Variants in FAF1 observed in about 807,000 individuals in gnomAD.
FAF1 encodes the protein Fas associated factor 1, also known as FAS-associated factor 1.
Under a neutral mutation model 92.5 loss-of-function variants are expected in FAF1, and 25 were observed. That is an observed-to-expected ratio of 0.27 (90% CI 0.20 to 0.38). The LOEUF is 0.38. FAF1 is among the 10% of genes least tolerant of loss of function. The pLI, the probability that FAF1 is intolerant of heterozygous loss-of-function variation, is 1.00. For missense variants in FAF1, 636 were observed against 793.3 expected, an observed-to-expected ratio of 0.80 and a Z score of 2.38; for synonymous variants, 234 against 273.2, an observed-to-expected ratio of 0.86 and a Z score of 1.42.
chr1:50,913,968 A>G (rs1209369836), intron 1 of FAF1, among the ~76,000 whole-genome samples: 2 of 152,222 alleles, frequency 1.3e-5, no homozygotes, highest in African/African-American at 4.8e-5. Flanking sequence ...AATGATTACA[A>G]GTCCTGTGGT....
intron 1 of FAF1, among the ~76,000 whole-genome samples, chr1:50,895,894 T>A (rs1169590495): frequency 2.0e-5 from 3 of 152,066 alleles, no homozygotes; most frequent in Non-Finnish European, 4.4e-5. Context: ...AGAGAGAACA[T>A]AACTCAACAT....
intron 2 of FAF1, among the ~76,000 whole-genome samples, chr1:50,835,092 G>C (rs1644188543): frequency 6.6e-6 from 1 of 152,180 alleles, no homozygotes; most frequent in Non-Finnish European, 1.5e-5. Flanking sequence ...ACAGATGTGA[G>C]GAAGTATGTG....
rs370056145 is a variant in FAF1, at chr1:50,744,764, G to T, written c.379C>A (p.Gln127Lys). 3.5e-5 allele frequency: 56 copies of T among 1,592,914 alleles called. No homozygotes were observed. Among genetic ancestry groups the T allele is most frequent in the Non-Finnish European group, 4.3e-5 (50 of 1,164,666 alleles). Residue 127 changes from glutamine (Q) to lysine (K), a missense_variant, in exon 5 of 19, where the codon CAG becomes AAG. By Grantham distance (53) the Gln-to-Lys change is moderately conservative (BLOSUM62 1). This residue lies in a region of FAF1 where 317 missense variants were observed against 342.4 expected (regional missense o/e 0.93). Transcript: ENST00000396153. Reference sequence around the variant, plus strand: ...ATCTGAAGTTCATTTTCTAGAATCTGTTTAATCTCTCCTGTATAAATAAGA... The same window carrying T: ...ATCTGAAGTTCATTTTCTAGAATCTTTTTAATCTCTCCTGTATAAATAAGA... ...EDTCTVGEIKQILENELQIPV... is the reference protein window; with the variant it reads ...EDTCTVGEIKKILENELQIPV...
intron 15 of FAF1, among the ~76,000 whole-genome samples, chr1:50,528,476 A>T (rs1647960019): frequency 6.6e-6 from 1 of 152,222 alleles, no homozygotes; most frequent in Non-Finnish European, 1.5e-5. Flanking sequence ...AAACACTGAC[A>T]CTAGGGGTAA....
intron 18 of FAF1, among the ~76,000 whole-genome samples, chr1:50,453,721 G>T (rs763757849): frequency 6.6e-6 from 1 of 152,190 alleles, no homozygotes; most frequent in Non-Finnish European, 1.5e-5. Flanking sequence ...AAAGCACCAT[G>T]ATGAGAAAGA....
At chr1:50,731,778 A>C (rs895872335) in intron 6 of FAF1, among the ~76,000 whole-genome samples, 8 of 152,136 alleles carry the variant, frequency 5.3e-5, no homozygotes, top group Non-Finnish European at 1.0e-4. Context: ...TTCACTTCTA[A>C]GTATCTGATG....
intron 2 of FAF1, among the ~76,000 whole-genome samples, chr1:50,807,747 C>T (rs1467961141): frequency 1.3e-5 from 2 of 152,100 alleles, no homozygotes; most frequent in Admixed American, 6.5e-5. Flanking sequence ...ATAAACAAAG[C>T]CTCCAAGAAA....
chr1:50,473,085 A>G (rs1370190751), intron 18 of FAF1, among the ~76,000 whole-genome samples: 1 of 152,142 alleles, frequency 6.6e-6, no homozygotes, highest in Admixed American at 6.5e-5. Flanking sequence ...ACATTCAACA[A>G]CAGTTACTGA....
chr1:50,479,568 T>C (rs1646676983), intron 17 of FAF1, among the ~76,000 whole-genome samples: 1 of 152,244 alleles, frequency 6.6e-6, no homozygotes, highest in South Asian at 2.1e-4. Flanking sequence ...CAGAACTTAA[T>C]GTGATATTTC....
At chr1:50,834,309 G>C (rs1333679092) in intron 2 of FAF1, among the ~76,000 whole-genome samples, 2 of 152,122 alleles carry the variant, frequency 1.3e-5, no homozygotes, top group African/African-American at 4.8e-5. Flanking sequence ...CCCCATCTCA[G>C]TTAGTTCTTT....
intron 8 of FAF1, among the ~76,000 whole-genome samples, chr1:50,601,708 C>T (rs977787856): frequency 1.6e-4 from 23 of 140,042 alleles, no homozygotes; most frequent in African/African-American, 3.5e-4. Context: ...TATATATATA[C>T]ACACACACAC....
intron 7 of FAF1, among the ~76,000 whole-genome samples, chr1:50,671,425 G>GT (rs1655872102): frequency 6.6e-6 from 1 of 151,374 alleles, no homozygotes; most frequent in African/African-American, 2.4e-5. Flanking sequence ...AAAAGGTAAA[G>GT]TTTGACTTCC....
chr1:50,701,413 C>G (rs1358498526), intron 7 of FAF1, among the ~76,000 whole-genome samples: 1 of 151,366 alleles, frequency 6.6e-6, no homozygotes, highest in East Asian at 1.9e-4. Context: ...AAAAAAAACA[C>G]CCAATACTTT....
intron 1 of FAF1, among the ~76,000 whole-genome samples, chr1:50,943,506 T>C (rs1460944209): frequency 3.3e-5 from 5 of 152,200 alleles, no homozygotes; most frequent in Non-Finnish European, 7.4e-5. Context: ...ATAATAACTC[T>C]TGTCAGTGAA....
chr1:50,904,039 T>C (rs1644816590), intron 1 of FAF1, among the ~76,000 whole-genome samples: 1 of 152,148 alleles, frequency 6.6e-6, no homozygotes, highest in South Asian at 2.1e-4. Context: ...AAAAACTAAA[T>C]GAAAACAGGG....
intron 15 of FAF1, among the ~76,000 whole-genome samples, chr1:50,502,842 C>G (rs76052322): frequency 0.014 from 2,202 of 151,888 alleles, 53 homozygotes; most frequent in African/African-American, 0.049. Flanking sequence ...TTTAAAGAAA[C>G]AGGGTCTCAC....
At chr1:50,948,983 T>C (rs1395138128) in intron 1 of FAF1, among the ~76,000 whole-genome samples, 2 of 152,128 alleles carry the variant, frequency 1.3e-5, no homozygotes, top group African/African-American at 2.4e-5. Context: ...CATTTCAATA[T>C]AAGATTTGGA....
At chr1:50,705,930 A>T in intron 6 of FAF1, 39 bp from the exon 7 acceptor site, 1 of 1,278,976 alleles carries the variant, frequency 7.8e-7, no homozygotes, top group Non-Finnish European at 1.1e-6. Flanking sequence ...CTCAGAGATG[A>T]ACAAGTTCTA....
intron 1 of FAF1, among the ~76,000 whole-genome samples, chr1:50,894,564 C>T (rs1644744409): frequency 6.6e-6 from 1 of 151,592 alleles, no homozygotes; most frequent in South Asian, 2.1e-4. Context: ...GCAGAGTACA[C>T]ATTATTCTCA....
Sources: gnomAD v4.1 joint callset for allele counts (sites outside exome capture counted in the v4.1 genomes callset) on GRCh38, gnomAD v4.1.1 for gene constraint, gnomAD v4.1.1 regional missense constraint, MANE v1.5 for transcripts, NCBI Gene and HGNC (gene_info 2026-07-23, HGNC 2026-07-21) for gene names.